The following TBC1D30 variants were observed in gnomAD, a reference collection of about 807,000 sequenced individuals.
TBC1D30 encodes the protein TBC1 domain family, member 30.
In TBC1D30, 31 loss-of-function variants were observed where a neutral mutation model predicts 63.2. The ratio of observed to expected loss-of-function variants is 0.49; its 90% CI spans 0.37 to 0.66. TBC1D30 has a LOEUF of 0.66. Ranked by LOEUF, TBC1D30 falls within the 30% of genes least tolerant of loss-of-function variation. The pLI is 0.00. For missense variants in TBC1D30, 810 were observed against 953.6 expected, an observed-to-expected ratio of 0.85 and a Z score of 1.98; for synonymous variants, 307 against 361.5, an observed-to-expected ratio of 0.85 and a Z score of 1.71.
intron 8 of TBC1D30, among the ~76,000 whole-genome samples, chr12:64,848,564 G>C (rs951600233): frequency 2.6e-5 from 4 of 152,088 alleles, no homozygotes; most frequent in Non-Finnish European, 5.9e-5. Context: ...TGAGAATGAT[G>C]GTTTCCAGCT....
At chr12:64,796,277 T>C (rs1213539295) in intron 2 of TBC1D30, among the ~76,000 whole-genome samples, 1 of 151,982 alleles carries the variant, frequency 6.6e-6, no homozygotes, top group South Asian at 2.1e-4. Flanking sequence ...AAAAATGATC[T>C]CCATTTACCC....
chr12:64,781,134 G>A (rs1221234323), exon 1 of TBC1D30: 7 of 1,007,568 alleles, frequency 6.9e-6, no homozygotes, highest in African/African-American at 1.7e-5. Flanking sequence ...GAGGGCCGCC[G>A]GCGGCGCCGC....
chr12:64,839,033 G>C (rs544582104), intron 7 of TBC1D30, among the ~76,000 whole-genome samples, 182 bp downstream of exon 7: 11 of 152,272 alleles, frequency 7.2e-5, no homozygotes, highest in African/African-American at 2.6e-4. Context: ...TTGGAGAAGG[G>C]GGCAGATGCC....
chr12:64,841,420 TGTGTCCTCCTTG>T (rs962420422), intron 7 of TBC1D30, among the ~76,000 whole-genome samples: 7 of 152,206 alleles, frequency 4.6e-5, no homozygotes, highest in Non-Finnish European at 5.9e-5. Flanking sequence ...CCCACTGTGG[TGTGTCCTCCTTG>T]GTTTCCTCAT....
At chr12:64,799,610 G>A (rs919141268) in intron 2 of TBC1D30, among the ~76,000 whole-genome samples, 1 of 152,354 alleles carries the variant, frequency 6.6e-6, no homozygotes, top group Admixed American at 6.5e-5. Context: ...TTCGGGAAAG[G>A]ATTGCTTCCT....
At chr12:64,772,833 A>T (rs533835364) in intron 1 of TBC1D30, among the ~76,000 whole-genome samples, 1 of 152,322 alleles carries the variant, frequency 6.6e-6, no homozygotes, top group Admixed American at 6.5e-5. Context: ...TTTAATACAG[A>T]TGAGAGACAG....
chr12:64,785,746 A>G lies in TBC1D30; in HGVS notation c.479-135A>G, dbSNP rs181167660. 3.5e-5 allele frequency: 19 copies of G among 548,756 alleles called. 1 individual carries two copies. The highest frequency in any genetic ancestry group is 7.4e-4 in the Middle Eastern group (1 of 1,360). 34.0% of individuals were successfully genotyped at this position (548,756 alleles called of 1,614,324 possible). On this transcript the variant is annotated intron_variant, in intron 1 of 12. Transcript: ENST00000542120. ...ATCGGAATGTCCGAGCTGAATGCAT[A>G]CATGTAATCTTGAGTGAAAACCTAG...
At chr12:64,794,498 T>C (rs1872133283) in intron 2 of TBC1D30, among the ~76,000 whole-genome samples, 1 of 152,046 alleles carries the variant, frequency 6.6e-6, no homozygotes, top group Non-Finnish European at 1.5e-5. Flanking sequence ...AGTGCAGTGG[T>C]GCAATCGTGG....
chr12:64,843,570 A>G (rs1876092663), intron 8 of TBC1D30, 85 bp downstream of exon 8: 10 of 994,722 alleles, frequency 1.0e-5, no homozygotes, highest in Non-Finnish European at 1.5e-5. Flanking sequence ...GTCTTGAGAA[A>G]TGTGCTTGGT....
chr12:64,837,257 C>A (rs1875447897), intron 6 of TBC1D30, among the ~76,000 whole-genome samples: 1 of 152,084 alleles, frequency 6.6e-6, no homozygotes, highest in Non-Finnish European at 1.5e-5. Flanking sequence ...GACAGTTTTT[C>A]CACAGACCAG....
Position 64,832,429 on chromosome 12 carries a change from A to G in TBC1D30, c.594+125A>G, listed in dbSNP as rs904463132. ...GTTTGCCACACCTTTGTAATGACCT[A>G]TGATAGCATTTCCTCCAGGTTAGAG... On this transcript the variant is annotated intron_variant, in intron 5 of 11. Coordinates refer to ENST00000539867, the MANE Select transcript of TBC1D30 (RefSeq NM_015279.2). The G allele has an allele frequency of 1.7e-5, 16 of 934,622 alleles. No individual in the cohort carries two copies. In the South Asian group the frequency reaches 2.5e-4, roughly 15 times the overall value. 57.9% of individuals were successfully genotyped at this position (934,622 alleles called of 1,614,324 possible). A position where few individuals can be genotyped will look rare whatever the true frequency, so the allele number is the denominator to read the frequency against.
At chr12:64,791,064 C>G (rs114027799) in intron 2 of TBC1D30, among the ~76,000 whole-genome samples, 3,757 of 152,140 alleles carry the variant, frequency 0.025, 142 homozygotes, top group African/African-American at 0.086. Context: ...ATGGATATAT[C>G]AAATGTGATT....
intron 4 of TBC1D30, among the ~76,000 whole-genome samples, chr12:64,831,406 CCTTTTT>C (rs1403524060): frequency 6.6e-6 from 1 of 152,144 alleles, no homozygotes; most frequent in Non-Finnish European, 1.5e-5. Context: ...TGAAATATTT[CCTTTTT>C]GTCTAACTGG....
chr12:64,866,437 T>A (rs1878219221), intron 9 of TBC1D30, among the ~76,000 whole-genome samples: 1 of 151,962 alleles, frequency 6.6e-6, no homozygotes, highest in African/African-American at 2.4e-5. Flanking sequence ...TCATTATATA[T>A]AATTCTTTTT....
At chr12:64,784,816 G>C (rs906199290) in intron 1 of TBC1D30, among the ~76,000 whole-genome samples, 3 of 151,646 alleles carry the variant, frequency 2.0e-5, no homozygotes, top group African/African-American at 7.3e-5. Context: ...ATGTATACCT[G>C]TAACAAACCT....
chr12:64,866,817 A>T lies in TBC1D30; in HGVS notation c.1205A>T (p.Asp402Val). The change falls in exon 10 of 12, where the codon GAT becomes GTT. Residue 402 changes from aspartate (D) to valine (V), a missense_variant. By Grantham distance (152) the Asp-to-Val change is radical. Around this residue, in one of 4 missense-constraint regions of TBC1D30, gnomAD observed 450 missense variants for 473.0 expected, o/e 0.95. Coordinates refer to ENST00000539867, the MANE Select transcript of TBC1D30 (RefSeq NM_015279.2). ...GAAGAGAATGACCCAGACGATGAGGATGCTGTCGTTAATGCAGTGGGGTGT... is the reference window on the plus strand; with the variant it reads ...GAAGAGAATGACCCAGACGATGAGGTTGCTGTCGTTAATGCAGTGGGGTGT... ...SDEENDPDDE[D>V]AVVNAVGCLG... 1 of 1,536,564 alleles carries T rather than the reference A, an allele frequency of 6.5e-7. No homozygotes were observed. Among genetic ancestry groups the T allele is most frequent in the Non-Finnish European group, 8.7e-7 (1 of 1,147,002 alleles).
intron 2 of TBC1D30, among the ~76,000 whole-genome samples, chr12:64,805,401 T>C (rs1270379366): frequency 6.6e-6 from 1 of 152,194 alleles, no homozygotes; most frequent in African/African-American, 2.4e-5. Flanking sequence ...GAGGAAGAGC[T>C]AAATTTGTGA....
intron 1 of TBC1D30, among the ~76,000 whole-genome samples, chr12:64,826,416 T>C (rs1039211568): frequency 1.3e-5 from 2 of 152,174 alleles, no homozygotes; most frequent in African/African-American, 4.8e-5. Context: ...CAGGGAATCC[T>C]TGTAGTGTGG....
At chr12:64,777,959 G>A (rs186708675), upstream of TBC1D30, among the ~76,000 whole-genome samples, 31 of 152,134 alleles carry the variant, frequency 2.0e-4, no homozygotes, top group African/African-American at 7.0e-4. Flanking sequence ...ATGGGGTTTC[G>A]CCATGTTGGC....
Sources: allele counts gnomAD v4.1 joint callset (sites outside exome capture counted in the v4.1 genomes callset), GRCh38; gene constraint gnomAD v4.1.1; regional missense constraint gnomAD v4.1.1; transcripts MANE v1.5; gene names NCBI Gene and HGNC (gene_info 2026-07-23, HGNC 2026-07-21).